The following LRMDA variants were observed in gnomAD, a reference collection of about 807,000 sequenced individuals.
LRMDA encodes the protein leucine rich melanocyte differentiation associated.
A neutral mutation model predicts 29.8 loss-of-function variants in LRMDA; 18 were observed. The ratio of observed to expected loss-of-function variants is 0.60; its 90% CI spans 0.42 to 0.90. The LOEUF is 0.90. LRMDA is among the 40% of genes least tolerant of loss of function. The pLI is 0.00. For missense variants in LRMDA, 273 were observed against 273.9 expected (o/e 1.00, Z 0.02); for synonymous variants, 125 against 109.4 (o/e 1.14, Z -0.89).
At chr10:75,990,689 T>C (rs1008252470) in intron 2 of LRMDA, among the ~76,000 whole-genome samples, 9 of 152,302 alleles carry the variant, frequency 5.9e-5, no homozygotes, top group African/African-American at 2.2e-4. Context: ...AAAAAATAAG[T>C]ACTTTGGGTT....
chr10:76,187,789 T>G (rs114748600), intron 5 of LRMDA, among the ~76,000 whole-genome samples: 3,110 of 152,284 alleles, frequency 0.02, 107 homozygotes, highest in African/African-American at 0.071. Flanking sequence ...GGGGACCATT[T>G]TGTCCTGGGA....
At chr10:76,245,215 G>A (rs191418771) in intron 5 of LRMDA, among the ~76,000 whole-genome samples, 12 of 152,248 alleles carry the variant, frequency 7.9e-5, no homozygotes, top group African/African-American at 2.9e-4. Flanking sequence ...GGCTTCATCC[G>A]TCATCCAGGG....
chr10:76,432,276 ATC>A (rs1171571339), intron 6 of LRMDA, among the ~76,000 whole-genome samples: 3 of 152,072 alleles, frequency 2.0e-5, no homozygotes, highest in Non-Finnish European at 4.4e-5. Flanking sequence ...CTTGCCATAG[ATC>A]TCCACAGAGC....
intron 5 of LRMDA, among the ~76,000 whole-genome samples, chr10:76,287,415 C>T (rs1840285919): frequency 6.6e-6 from 1 of 152,112 alleles, no homozygotes; most frequent in Non-Finnish European, 1.5e-5. Flanking sequence ...ACCAAAAATG[C>T]TCCTACTGTA....
intron 2 of LRMDA, chr10:75,743,610 C>T (rs1417964364): frequency 2.0e-5 from 3 of 152,194 alleles, no homozygotes; most frequent in African/African-American, 7.2e-5. Flanking sequence ...AAATACACCA[C>T]GTGCTTCACA....
At chr10:75,964,837 G>A (rs563322497) in intron 2 of LRMDA, among the ~76,000 whole-genome samples, 1 of 152,212 alleles carries the variant, frequency 6.6e-6, no homozygotes, top group Non-Finnish European at 1.5e-5. Context: ...GTACAATCTC[G>A]GCTCACTGCA....
chr10:75,586,401 A>T (rs992122769), intron 2 of LRMDA, among the ~76,000 whole-genome samples: 1 of 124,210 alleles, frequency 8.1e-6, no homozygotes, highest in African/African-American at 3.1e-5. Flanking sequence ...TCTGTCACCC[A>T]GGCTGGAGTG....
intron 2 of LRMDA, among the ~76,000 whole-genome samples, chr10:75,556,649 A>G: frequency 6.6e-6 from 1 of 152,082 alleles, no homozygotes; most frequent in African/African-American, 2.4e-5. Context: ...TTAGCCCCTG[A>G]ACTCTGACAT....
chr10:76,503,171 A>G (rs953642469), intron 6 of LRMDA, among the ~76,000 whole-genome samples: 3 of 151,862 alleles, frequency 2.0e-5, no homozygotes, highest in Admixed American at 6.6e-5. Context: ...TTTTGGTTTT[A>G]ATTCTGTTTA....
intron 2 of LRMDA, among the ~76,000 whole-genome samples, chr10:76,023,803 A>G (rs1848016628): frequency 1.3e-5 from 2 of 152,256 alleles, no homozygotes; most frequent in African/African-American, 4.8e-5. Flanking sequence ...CTGGAGGTTT[A>G]GCCACTGACC....
At chr10:76,466,230 A>G (rs1842563098) in intron 6 of LRMDA, among the ~76,000 whole-genome samples, 1 of 152,194 alleles carries the variant, frequency 6.6e-6, no homozygotes, top group Non-Finnish European at 1.5e-5. Context: ...GTCTTACAGG[A>G]CTGGTGCCCA....
At chr10:76,015,550 C>A (rs957919492) in intron 2 of LRMDA, among the ~76,000 whole-genome samples, 6 of 152,146 alleles carry the variant, frequency 3.9e-5, no homozygotes, top group African/African-American at 1.4e-4. Context: ...TTTTTGTAAT[C>A]TTATCTTAGC....
intron 5 of LRMDA, among the ~76,000 whole-genome samples, chr10:76,311,030 T>G (rs1437525409): frequency 6.6e-6 from 1 of 152,052 alleles, no homozygotes; most frequent in Non-Finnish European, 1.5e-5. Context: ...TCACTTGCAT[T>G]TTTTTTTCAA....
intron 2 of LRMDA, among the ~76,000 whole-genome samples, chr10:75,799,302 A>G (rs991897652): frequency 1.3e-5 from 2 of 152,172 alleles, no homozygotes; most frequent in East Asian, 1.9e-4. Flanking sequence ...ATGAAACACC[A>G]TGTTTAAACC....
At chr10:76,167,609 T>C (rs566604157) in intron 5 of LRMDA, among the ~76,000 whole-genome samples, 18 of 152,188 alleles carry the variant, frequency 1.2e-4, no homozygotes, top group Non-Finnish European at 2.1e-4. Flanking sequence ...TCCATTGGTC[T>C]ATGTATCTGT....
chr10:75,963,905 G>A (rs1846811793), intron 2 of LRMDA, among the ~76,000 whole-genome samples: 1 of 152,196 alleles, frequency 6.6e-6, no homozygotes, highest in African/African-American at 2.4e-5. Context: ...AAATATGTGT[G>A]TGCTTAATGG....
intron 5 of LRMDA, among the ~76,000 whole-genome samples, chr10:76,129,684 TG>T (rs1443612618): frequency 2.0e-5 from 3 of 152,166 alleles, no homozygotes; most frequent in African/African-American, 7.2e-5. Flanking sequence ...CTTCTCAGTG[TG>T]GGGTTCCACA....
intron 2 of LRMDA, among the ~76,000 whole-genome samples, chr10:75,844,883 T>A (rs900961185): frequency 1.4e-4 from 22 of 152,230 alleles, no homozygotes; most frequent in African/African-American, 5.1e-4. Context: ...ATGAATTTTA[T>A]GAACAATGGA....
chr10:76,003,522 C>T (rs1847596195), intron 2 of LRMDA, among the ~76,000 whole-genome samples: 1 of 151,966 alleles, frequency 6.6e-6, no homozygotes, highest in African/African-American at 2.4e-5. Context: ...CTCATAAAGA[C>T]GTTACACGTT....
Sources: gnomAD v4.1 joint callset for allele counts (sites outside exome capture counted in the v4.1 genomes callset) on GRCh38, gnomAD v4.1.1 for gene constraint, MANE v1.5 for transcripts, NCBI Gene and HGNC (gene_info 2026-07-23, HGNC 2026-07-21) for gene names.